Variants in PCDH15 observed in about 807,000 individuals in gnomAD.
PCDH15 encodes the protein protocadherin related 15.
A neutral mutation model predicts 178.5 loss-of-function variants in PCDH15; 129 were observed. That is an observed-to-expected ratio of 0.72 (90% CI 0.63 to 0.84). PCDH15 has a LOEUF of 0.84. Ranked by LOEUF, PCDH15 falls within the 40% of genes least tolerant of loss-of-function variation. PCDH15 has a pLI of 0.00. For missense variants in PCDH15, 2,230 were observed against 2,099.9 expected (o/e 1.06, Z -1.21); for synonymous variants, 800 against 732.0 (o/e 1.09, Z -1.50).
intron 2 of PCDH15, among the ~76,000 whole-genome samples, chr10:54,544,318 C>T (rs1354618562): frequency 1.3e-5 from 2 of 152,092 alleles, no homozygotes; most frequent in African/African-American, 4.8e-5. Flanking sequence ...TTTTTTGGAG[C>T]TTGGAAGTTT....
chr10:54,945,926 A>G (rs1838188047), intron 2 of PCDH15, among the ~76,000 whole-genome samples: 1 of 151,848 alleles, frequency 6.6e-6, no homozygotes, highest in African/African-American at 2.4e-5. Flanking sequence ...TTTTAAATAA[A>G]TATTATGTGT....
intron 2 of PCDH15, among the ~76,000 whole-genome samples, chr10:55,159,097 A>G (rs978781106): frequency 7.2e-5 from 11 of 151,878 alleles, no homozygotes; most frequent in Admixed American, 2.0e-4. Context: ...AGTACAGACA[A>G]ATAGCTAGTG....
chr10:54,410,923 A>C (rs989289034), intron 3 of PCDH15, among the ~76,000 whole-genome samples: 1 of 152,110 alleles, frequency 6.6e-6, no homozygotes, highest in Non-Finnish European at 1.5e-5. Flanking sequence ...GCTGCTCAAT[A>C]GCTGACTCTG....
At chr10:55,047,563 A>G (rs993898314) in intron 2 of PCDH15, among the ~76,000 whole-genome samples, 2 of 151,870 alleles carry the variant, frequency 1.3e-5, no homozygotes, top group Admixed American at 1.3e-4. Flanking sequence ...AAGTGTAGTC[A>G]GGAAAAAGTA....
chr10:54,816,035 A>AT (rs1365263387), intron 3 of PCDH15, among the ~76,000 whole-genome samples: 10 of 152,026 alleles, frequency 6.6e-5, no homozygotes, highest in African/African-American at 2.4e-4. Context: ...TTTTATGCAG[A>AT]TTTTTGGTGG....
intron 2 of PCDH15, among the ~76,000 whole-genome samples, chr10:55,127,670 C>G (rs539993049): frequency 6.6e-6 from 1 of 152,144 alleles, no homozygotes; most frequent in East Asian, 1.9e-4. Context: ...TATGTATGCT[C>G]TGGATTCTCT....
chr10:55,262,626 A>AG (rs1406458676), intron 1 of PCDH15, among the ~76,000 whole-genome samples: 2 of 152,044 alleles, frequency 1.3e-5, no homozygotes, highest in African/African-American at 2.4e-5. Flanking sequence ...TTCTAAGGAG[A>AG]GCCCGGCCAC....
At chr10:55,462,618 G>A (rs889760516) in intron 2 of PCDH15, among the ~76,000 whole-genome samples, 3 of 152,046 alleles carry the variant, frequency 2.0e-5, no homozygotes, top group Admixed American at 6.6e-5. Flanking sequence ...TAAACTGTTC[G>A]AGAAAGCCAT....
intron 26 of PCDH15, among the ~76,000 whole-genome samples, chr10:53,879,145 A>G (rs2080504384): frequency 6.6e-6 from 1 of 151,454 alleles, no homozygotes; most frequent in African/African-American, 2.4e-5. Context: ...CGTACCTTTC[A>G]CTTTCTGCAT....
chr10:54,018,613 G>T (rs2092816139), intron 20 of PCDH15, among the ~76,000 whole-genome samples: 1 of 152,034 alleles, frequency 6.6e-6, no homozygotes, highest in African/African-American at 2.4e-5. Context: ...TAACAAAGTT[G>T]GTAAGTCATG....
intron 8 of PCDH15, among the ~76,000 whole-genome samples, chr10:54,249,963 A>T (rs2056326520): frequency 6.6e-6 from 1 of 152,032 alleles, no homozygotes; most frequent in South Asian, 2.1e-4. Flanking sequence ...TCAGTTACCC[A>T]GGCTTGAGTA....
chr10:54,033,016 C>T lies in PCDH15; in HGVS notation c.2221-9819G>A, dbSNP rs535986379. Reference sequence around the variant, plus strand: ...AGCCTCCCCCATGATCCAGTCACCCCGCTCCTTGGACAAGTGGGGATTATA... The same window carrying T: ...AGCCTCCCCCATGATCCAGTCACCCTGCTCCTTGGACAAGTGGGGATTATA... On this transcript the variant is annotated intron_variant, in intron 18 of 37. Transcript: ENST00000644397. Among the ~76,000 whole-genome samples the T allele has an allele frequency of 3.6e-4, 55 of 151,842 alleles. No homozygotes were observed. In the Middle Eastern group the frequency reaches 0.014, roughly 38 times the overall value.
chr10:54,334,906 C>G (rs1940742414), intron 6 of PCDH15, among the ~76,000 whole-genome samples: 1 of 152,098 alleles, frequency 6.6e-6, no homozygotes, highest in African/African-American at 2.4e-5. Context: ...GTACCTCTCT[C>G]TTCTCTCTTT....
At chr10:54,492,790 C>A (rs1171071156) in intron 3 of PCDH15, among the ~76,000 whole-genome samples, 5 of 152,102 alleles carry the variant, frequency 3.3e-5, no homozygotes, top group Non-Finnish European at 7.3e-5. Context: ...TCTCTTACTG[C>A]CTTTAATTTA....
At chr10:54,837,624 T>G (rs1953339866) in intron 3 of PCDH15, among the ~76,000 whole-genome samples, 1 of 152,110 alleles carries the variant, frequency 6.6e-6, no homozygotes, top group African/African-American at 2.4e-5. Flanking sequence ...CAATCTAAAC[T>G]ATGTAAATTA....
chr10:54,568,309 A>G (rs553211176), intron 2 of PCDH15, among the ~76,000 whole-genome samples: 1 of 152,058 alleles, frequency 6.6e-6, no homozygotes, highest in African/African-American at 2.4e-5. Flanking sequence ...ACTTTCTCCA[A>G]GAAATCTACT....
intron 1 of PCDH15, among the ~76,000 whole-genome samples, chr10:54,788,672 A>G (rs1305384292): frequency 1.3e-5 from 2 of 151,884 alleles, no homozygotes; most frequent in Admixed American, 6.6e-5. Context: ...CAAAAGGTGA[A>G]AGTTATGCTA....
chr10:54,565,224 T>C (rs2088845310), intron 2 of PCDH15, among the ~76,000 whole-genome samples: 1 of 152,234 alleles, frequency 6.6e-6, no homozygotes. Flanking sequence ...GTCAATTATA[T>C]TTCTTTTATT....
intron 3 of PCDH15, among the ~76,000 whole-genome samples, chr10:54,836,067 A>T (rs1370109597): frequency 2.0e-5 from 3 of 152,208 alleles, no homozygotes; most frequent in Non-Finnish European, 2.9e-5. Flanking sequence ...AACACAAAAA[A>T]GTTCCTAATT....
Sources: gnomAD v4.1 joint callset for allele counts (sites outside exome capture counted in the v4.1 genomes callset) on GRCh38, gnomAD v4.1.1 for gene constraint, MANE v1.5 for transcripts, NCBI Gene and HGNC (gene_info 2026-07-23, HGNC 2026-07-21) for gene names.